RILPL2: variants seen among roughly 807,000 people sequenced by gnomAD.
The protein encoded by RILPL2 is RILP-like protein 2.
A neutral mutation model predicts 22.2 loss-of-function variants in RILPL2; 19 were observed. The ratio of observed to expected loss-of-function variants is 0.86; its 90% CI spans 0.60 to 1.25. RILPL2 has a LOEUF of 1.25. Ranked by LOEUF, RILPL2 falls within the 50% of genes most tolerant of loss-of-function variation. RILPL2 has a pLI of 0.00. For synonymous variants in RILPL2, 123 were observed against 111.6 expected (o/e 1.10, Z -0.64); for missense variants, 243 against 263.6 (o/e 0.92, Z 0.54).
At chr12:123,419,799 A>T (rs1214020003) in intron 3 of RILPL2, among the ~76,000 whole-genome samples, 1 of 145,672 alleles carries the variant, frequency 6.9e-6, no homozygotes, top group Non-Finnish European at 1.5e-5. Context: ...ATTTTTATCT[A>T]TTTATTTTTT....
chr12:123,428,345 C>T (rs1190547322), intron 2 of RILPL2, among the ~76,000 whole-genome samples: 1 of 152,020 alleles, frequency 6.6e-6, no homozygotes, highest in South Asian at 2.1e-4. Context: ...ACCGTGTTAG[C>T]CAGGCTGGTC....
chr12:123,425,927 C>T (rs1025977228), intron 2 of RILPL2, among the ~76,000 whole-genome samples: 3 of 152,094 alleles, frequency 2.0e-5, no homozygotes, highest in African/African-American at 7.2e-5. Context: ...GCTGGGATTA[C>T]AGGCGTGAGC....
At chr12:123,430,128 A>AG (rs1879579055) in intron 2 of RILPL2, among the ~76,000 whole-genome samples, 1 of 148,132 alleles carries the variant, frequency 6.8e-6, no homozygotes, top group Non-Finnish European at 1.5e-5. Context: ...AAAAAAAAAA[A>AG]GCCAGGCTTG....
downstream of RILPL2, chr12:123,410,737 G>C (rs995432353): frequency 2.6e-5 from 4 of 151,840 alleles, no homozygotes; most frequent in East Asian, 1.9e-4. Context: ...ACAACACTTG[G>C]AACAGTGCCT....
chr12:123,429,420 C>T (rs997020438), intron 2 of RILPL2, among the ~76,000 whole-genome samples: 3 of 152,092 alleles, frequency 2.0e-5, no homozygotes, highest in African/African-American at 7.2e-5. Context: ...CTCAGCCTCC[C>T]AGGTAGCTGG....
At chr12:123,429,372 T>C (rs1879540046) in intron 2 of RILPL2, among the ~76,000 whole-genome samples, 2 of 152,186 alleles carry the variant, frequency 1.3e-5, no homozygotes. Flanking sequence ...CTCGGCTCAC[T>C]GCAACCTCCG....
the RILPL2 span, among the ~76,000 whole-genome samples, chr12:123,409,689 A>G: frequency 1.4e-5 from 2 of 144,712 alleles, no homozygotes; most frequent in Admixed American, 6.9e-5. Flanking sequence ...AGCTGGGATT[A>G]CAGGCATGCA....
intron 3 of RILPL2, among the ~76,000 whole-genome samples, chr12:123,421,952 G>A (rs1032336351): frequency 1.3e-5 from 2 of 150,664 alleles, no homozygotes; most frequent in African/African-American, 4.9e-5. Context: ...ACAGGAGTAA[G>A]CCACCGTGCC....
chr12:123,426,929 T>C (rs920037153), intron 2 of RILPL2, among the ~76,000 whole-genome samples: 4 of 151,604 alleles, frequency 2.6e-5, no homozygotes, highest in Non-Finnish European at 4.4e-5. Flanking sequence ...GGCTTTCTTT[T>C]TTTTTTTTTT....
chr12:123,434,903 T>G (rs1055330466), intron 1 of RILPL2, among the ~76,000 whole-genome samples: 1 of 150,938 alleles, frequency 6.6e-6, no homozygotes, highest in Non-Finnish European at 1.5e-5. Context: ...GGCTGGGTGC[T>G]GTGGCTCAGG....
At chr12:123,419,682 T>C (rs1293113601) in intron 3 of RILPL2, among the ~76,000 whole-genome samples, 2 of 151,094 alleles carry the variant, frequency 1.3e-5, no homozygotes, top group Non-Finnish European at 2.9e-5. Flanking sequence ...CTCAGCTCAC[T>C]GCAATATCCT....
At chr12:123,421,414 C>T (rs2139237074) in intron 3 of RILPL2, among the ~76,000 whole-genome samples, 1 of 152,158 alleles carries the variant, frequency 6.6e-6, no homozygotes, top group Non-Finnish European at 1.5e-5. Context: ...AAATTAAACC[C>T]AACAGCCTCT....
chr12:123,420,318 C>T (rs1879244666), intron 3 of RILPL2, among the ~76,000 whole-genome samples: 1 of 151,988 alleles, frequency 6.6e-6, no homozygotes, highest in Non-Finnish European at 1.5e-5. Flanking sequence ...AGCCACTGCG[C>T]CTGGCAGAGA....
At chr12:123,417,405 C>T (rs908057181) in intron 3 of RILPL2, among the ~76,000 whole-genome samples, 5 of 152,014 alleles carry the variant, frequency 3.3e-5, no homozygotes, top group Non-Finnish European at 1.5e-5. Flanking sequence ...TACATAAATA[C>T]GGTCATGTTA....
downstream of RILPL2, among the ~76,000 whole-genome samples, chr12:123,410,202 CTT>C (rs1162331021): frequency 6.6e-6 from 1 of 152,198 alleles, no homozygotes; most frequent in African/African-American, 2.4e-5. Context: ...GCATCATAAA[CTT>C]TAGCTGATGT....
chr12:123,414,296 C>T (rs577369800), downstream of RILPL2: 1 of 154,898 alleles, frequency 6.5e-6, no homozygotes, highest in South Asian at 2.0e-4. Context: ...AAATCGAGCG[C>T]AGCGCCGGTG....
At chr12:123,432,188 C>T (rs1405993542) in intron 1 of RILPL2, among the ~76,000 whole-genome samples, 4 of 152,192 alleles carry the variant, frequency 2.6e-5, no homozygotes, top group Admixed American at 1.3e-4. Flanking sequence ...TAAGCCACCA[C>T]GCCCAGCTTT....
downstream of RILPL2, chr12:123,412,683 C>A (rs1879003762): frequency 6.6e-6 from 1 of 152,170 alleles, no homozygotes; most frequent in Non-Finnish European, 1.5e-5. Context: ...ACCCCAAGGA[C>A]AATAGTGATA....
In RILPL2 at chr12:123,436,017, G is replaced by A; in HGVS notation, c.339+65C>T. Reference sequence around the variant, plus strand: ...GAAAAGAAAAGGAAGGCGTCTCCCTGCCAGTAGGTGCCCTCCTACGCCCCG... The same window carrying A: ...GAAAAGAAAAGGAAGGCGTCTCCCTACCAGTAGGTGCCCTCCTACGCCCCG... On this transcript the variant is annotated intron_variant, in intron 1 of 3. Coordinates refer to ENST00000280571, the MANE Select transcript of RILPL2 (RefSeq NM_145058.3). This position sits in a 1 kb window ranked among gnomAD's most constrained non-coding sequence, Gnocchi z 6.7. 1 of 1,506,304 alleles carries A rather than the reference G, an allele frequency of 6.6e-7. No homozygotes were observed. The allele number at this position is 1,506,304 out of a possible 1,614,324, so 93.3% of individuals were successfully genotyped here.
Sources: allele counts gnomAD v4.1 joint callset (sites outside exome capture counted in the v4.1 genomes callset), GRCh38; gene constraint gnomAD v4.1.1; non-coding constraint Gnocchi (gnomAD v3.1); transcripts MANE v1.5; gene names NCBI Gene and HGNC (gene_info 2026-07-23, HGNC 2026-07-21).